The following NAV3 variants were observed in gnomAD, a reference collection of about 807,000 sequenced individuals.
NAV3 encodes the protein pore membrane and/or filament interacting like protein 1.
A neutral mutation model predicts 244.7 loss-of-function variants in NAV3; 87 were observed. The observed-to-expected ratio is 0.36, with a 90% confidence interval of 0.30 to 0.42. The LOEUF is 0.42. Among genes scored for constraint, NAV3 ranks in the 20% least tolerant of loss-of-function variants. The pLI, the probability that NAV3 is intolerant of heterozygous loss-of-function variation, is 1.00. For synonymous variants in NAV3, 1,126 were observed against 1,042.2 expected (o/e 1.08, Z -1.55); for missense variants, 2,663 against 2,893.3 (o/e 0.92, Z 1.83).
intron 1 of NAV3, among the ~76,000 whole-genome samples, chr12:77,915,493 A>C (rs924387484): frequency 6.6e-6 from 1 of 152,022 alleles, no homozygotes; most frequent in Admixed American, 6.6e-5. Flanking sequence ...CAGGCAAGCC[A>C]GGGATTTCCC....
intron 1 of NAV3, among the ~76,000 whole-genome samples, chr12:77,877,161 TG>T (rs1881956743): frequency 6.6e-6 from 1 of 152,126 alleles, no homozygotes; most frequent in Admixed American, 6.6e-5. Flanking sequence ...TACATTAGGC[TG>T]TAAAAAGTTC....
At chr12:78,088,372 A>C (rs1566113565) in intron 12 of NAV3, among the ~76,000 whole-genome samples, 2 of 152,120 alleles carry the variant, frequency 1.3e-5, no homozygotes, top group Non-Finnish European at 2.9e-5. Context: ...CTATTATTAT[A>C]GAATGTGTGA....
chr12:77,789,764 C>G (rs1326142908), intron 2 of NAV3, among the ~76,000 whole-genome samples: 1 of 141,150 alleles, frequency 7.1e-6, no homozygotes, highest in Admixed American at 7.6e-5. Flanking sequence ...GAGCTGAGAT[C>G]GTGCCATTGC....
chr12:77,624,302 AG>A (rs1871517194), intron 2 of NAV3, among the ~76,000 whole-genome samples: 1 of 152,192 alleles, frequency 6.6e-6, no homozygotes, highest in South Asian at 2.1e-4. Context: ...GAGAAACAGT[AG>A]GGGATGAGAG....
chr12:77,588,317 C>T (rs902512818), intron 2 of NAV3, among the ~76,000 whole-genome samples: 1 of 151,860 alleles, frequency 6.6e-6, no homozygotes, highest in Non-Finnish European at 1.5e-5. Context: ...AAGGGTCCCA[C>T]TACGTTGCCC....
chr12:77,634,993 C>G (rs1039591702), intron 2 of NAV3, among the ~76,000 whole-genome samples: 3 of 151,952 alleles, frequency 2.0e-5, no homozygotes, highest in Non-Finnish European at 4.4e-5. Context: ...CTTTGGGATG[C>G]CAAGGTGGGC....
At chr12:77,616,737 C>A (rs1030387161) in intron 2 of NAV3, among the ~76,000 whole-genome samples, 1 of 151,982 alleles carries the variant, frequency 6.6e-6, no homozygotes, top group Non-Finnish European at 1.5e-5. Flanking sequence ...CGCGCACACA[C>A]ACACACACAC....
chr12:77,589,402 T>C (rs7979359), intron 2 of NAV3, among the ~76,000 whole-genome samples: 64,674 of 151,882 alleles, frequency 0.43, 14,009 homozygotes, highest in East Asian at 0.51. Flanking sequence ...GTATTAGCCG[T>C]CTGTTCTCCC....
chr12:77,966,225 G>A lies in NAV3; in HGVS notation c.415-4G>A, dbSNP rs1336528396. 6.2e-7 allele frequency: 1 copy of A among 1,613,062 alleles called. No individual in the cohort carries two copies. The highest frequency in any genetic ancestry group is 1.1e-5 in the South Asian group (1 of 90,922). On this transcript the variant is annotated splice_region_variant and splice_polypyrimidine_tract_variant and intron_variant, in intron 3 of 39. Coordinates refer to ENST00000397909, the MANE Select transcript of NAV3 (RefSeq NM_001024383.2). ...TTGCTTTTTCACTGCTTTTCATGTT[G>A]CAGATTGAAAATGTTGATGTCTGCC...
intron 12 of NAV3, among the ~76,000 whole-genome samples, chr12:78,086,475 T>G (rs561610256): frequency 9.2e-5 from 14 of 152,088 alleles, no homozygotes; most frequent in Non-Finnish European, 1.5e-4. Flanking sequence ...GCTCAGGTCT[T>G]GTTCCTTGCA....
At chr12:77,617,484 T>TA (rs1036496631) in intron 2 of NAV3, among the ~76,000 whole-genome samples, 1 of 152,212 alleles carries the variant, frequency 6.6e-6, no homozygotes, top group African/African-American at 2.4e-5. Context: ...AGGCATATGA[T>TA]AAAAAACTGA....
chr12:77,921,775 G>A (rs1353916594), intron 1 of NAV3, among the ~76,000 whole-genome samples: 1 of 152,070 alleles, frequency 6.6e-6, no homozygotes, highest in Non-Finnish European at 1.5e-5. Context: ...CAACAAAGAA[G>A]GTAATATGGT....
intron 1 of NAV3, among the ~76,000 whole-genome samples, chr12:77,892,968 T>C (rs1884128872): frequency 6.6e-6 from 1 of 152,190 alleles, no homozygotes; most frequent in South Asian, 2.1e-4. Flanking sequence ...GTAGCATTAC[T>C]ATAAATTACG....
rs138647079 is a variant in NAV3, at chr12:77,679,493, G to A, written c.72+107227G>A. Among the ~76,000 whole-genome samples, 78 of 152,204 alleles carry A rather than the reference G, an allele frequency of 5.1e-4. 1 individual carries two copies. The highest frequency in any genetic ancestry group is 1.5e-3 in the African/African-American group (63 of 41,556). ...TCATGTTGAGTTTGCTTCACTTGTA[G>A]CAGGGGTACATACATAAGTCTGGAT... On this transcript the variant is annotated intron_variant, in intron 2 of 8. Coordinates refer to the NAV3 transcript ENST00000550042.
At chr12:77,891,416 C>A (rs1042887144) in intron 1 of NAV3, among the ~76,000 whole-genome samples, 1 of 151,686 alleles carries the variant, frequency 6.6e-6, no homozygotes, top group Non-Finnish European at 1.5e-5. Flanking sequence ...ATGTTGAACC[C>A]AAAATATCCT....
chr12:78,142,210 C>T (rs1956645572), intron 20 of NAV3, among the ~76,000 whole-genome samples: 1 of 151,898 alleles, frequency 6.6e-6, no homozygotes, highest in Non-Finnish European at 1.5e-5. Context: ...TGTATAATAC[C>T]ACATGCACCC....
intron 2 of NAV3, among the ~76,000 whole-genome samples, chr12:77,706,870 C>CAAAAA (rs34067727): frequency 2.9e-5 from 2 of 68,036 alleles, no homozygotes; most frequent in Non-Finnish European, 2.4e-5. Context: ...GACTCTGTTT[C>CAAAAA]AAAAAAAAAA....
At chr12:78,052,277 C>T (rs770108) in intron 11 of NAV3, 34,341 of 152,034 alleles carry the variant, frequency 0.23, 3,868 homozygotes, top group Non-Finnish European at 0.25. Context: ...TCTGATATCC[C>T]AATACCTACT....
At chr12:78,102,760 G>A (rs1003311510) in intron 12 of NAV3, among the ~76,000 whole-genome samples, 3 of 152,218 alleles carry the variant, frequency 2.0e-5, no homozygotes, top group Admixed American at 6.5e-5. Flanking sequence ...TCTCTACCAC[G>A]TGGAAGCTGC....
Sources: gnomAD v4.1 joint callset for allele counts (sites outside exome capture counted in the v4.1 genomes callset) on GRCh38, gnomAD v4.1.1 for gene constraint, MANE v1.5 for transcripts, NCBI Gene and HGNC (gene_info 2026-07-23, HGNC 2026-07-21) for gene names.